The following KATNA1 variants were observed in gnomAD, a reference collection of about 807,000 sequenced individuals.
The protein encoded by KATNA1 is katanin p60 ATPase-containing subunit A1.
In KATNA1, 42 loss-of-function variants were observed where a neutral mutation model predicts 62.6. That is an observed-to-expected ratio of 0.67 (90% confidence interval 0.52 to 0.87). The LOEUF (loss-of-function observed/expected upper bound fraction) is 0.87. Ranked by LOEUF, KATNA1 falls within the 40% of genes least tolerant of loss-of-function variation. The pLI, the probability that KATNA1 is intolerant of heterozygous loss-of-function variation, is 0.00. For synonymous variants in KATNA1, 186 were observed against 201.9 expected (o/e 0.92, Z 0.67); for missense variants, 498 against 612.5 (o/e 0.81, Z 1.97).
intron 4 of KATNA1, among the ~76,000 whole-genome samples, chr6:149,611,814 A>G (rs555820918): frequency 3.3e-5 from 5 of 152,122 alleles, no homozygotes; most frequent in African/African-American, 1.2e-4. Context: ...CCTGGCTAAC[A>G]TGGTGAAACC....
chr6:149,622,138 T>G (rs1224531581), intron 4 of KATNA1, among the ~76,000 whole-genome samples: 1 of 151,806 alleles, frequency 6.6e-6, no homozygotes, highest in Non-Finnish European at 1.5e-5. Flanking sequence ...TTTTGTTTTT[T>G]TTTTTTTTCC....
At chr6:149,626,468 G>C (rs1281823835) in intron 3 of KATNA1, among the ~76,000 whole-genome samples, 1 of 147,092 alleles carries the variant, frequency 6.8e-6, no homozygotes, top group Non-Finnish European at 1.5e-5. Flanking sequence ...CTAATTTTTT[G>C]TATTTTTAGT....
intron 7 of KATNA1, among the ~76,000 whole-genome samples, chr6:149,600,713 A>T (rs774788188): frequency 1.3e-5 from 2 of 150,424 alleles, no homozygotes; most frequent in African/African-American, 2.4e-5. Context: ...AAGCAAGAGG[A>T]TCACTTGAAC....
chr6:149,643,856 T>G (rs1359563895), intron 1 of KATNA1, among the ~76,000 whole-genome samples: 2 of 151,840 alleles, frequency 1.3e-5, no homozygotes, highest in African/African-American at 4.8e-5. Flanking sequence ...TATTTTTTTT[T>G]TGGTATGTTT....
rs536590815 is a variant in KATNA1, at chr6:149,622,011, G to T, written c.501+1092C>A. On this transcript the variant is annotated intron_variant, in intron 4 of 10. Transcript: ENST00000367411. ...TAATCTGACCTAGCGGGGACAGAAG[G>T]GGGGAAATCTCTATATGACATTATT... Among the ~76,000 whole-genome samples, 15 of 152,274 alleles carry T rather than the reference G, an allele frequency of 9.9e-5. No individual in the cohort carries two copies. The East Asian group carries it at 2.5e-3, about 25-fold the overall frequency.
chr6:149,638,221 G>T (rs981183489), intron 2 of KATNA1, among the ~76,000 whole-genome samples, 165 bp downstream of exon 2: 1 of 152,160 alleles, frequency 6.6e-6, no homozygotes, highest in Non-Finnish European at 1.5e-5. Context: ...TGATCCTTCT[G>T]CTTTGGCTTT....
At chr6:149,619,397 G>A (rs979127589) in intron 4 of KATNA1, among the ~76,000 whole-genome samples, 4 of 152,162 alleles carry the variant, frequency 2.6e-5, no homozygotes, top group African/African-American at 4.8e-5. Context: ...TGGACTGCCT[G>A]AGCTCAGGGG....
chr6:149,605,820 G>A (rs1778715388), intron 4 of KATNA1, among the ~76,000 whole-genome samples: 1 of 152,068 alleles, frequency 6.6e-6, no homozygotes, highest in Non-Finnish European at 1.5e-5. Context: ...CCAGGCTAGA[G>A]TGTAGTAGTG....
chr6:149,597,610 A>G lies in KATNA1; in HGVS notation c.1047T>C (p.Pro349=), dbSNP rs1311185139. Reference sequence around the variant, plus strand: ...CTGCCAGAACCATAACCATTTTGGAAGGGTCATCATTTTCAGAAGTACCTC... The same window carrying G: ...CTGCCAGAACCATAACCATTTTGGAGGGGTCATCATTTTCAGAAGTACCTC... ...GVGGTSENDD[P]SKMVMVLAAT... The change falls in exon 9 of 11, where the codon CCT becomes CCC. Residue 349 remains proline, a synonymous_variant. Transcript: ENST00000367411. 6.2e-7 allele frequency: 1 copy of G among 1,614,038 alleles called. No homozygotes were observed. The highest frequency in any genetic ancestry group is 1.7e-4 in the Middle Eastern group (1 of 6,058).
At chr6:149,618,415 T>C (rs1582779057) in intron 4 of KATNA1, among the ~76,000 whole-genome samples, 3 of 151,298 alleles carry the variant, frequency 2.0e-5, no homozygotes, top group East Asian at 1.9e-4. Context: ...GAGGTGGAGG[T>C]TGCAGTGAGC....
intron 4 of KATNA1, among the ~76,000 whole-genome samples, chr6:149,620,535 C>CT (rs1779354312): frequency 6.6e-6 from 1 of 152,178 alleles, no homozygotes; most frequent in Non-Finnish European, 1.5e-5. Context: ...CTCAAGTGAT[C>CT]TGCCCGCCTT....
At chr6:149,617,541 C>G (rs1203762281) in intron 4 of KATNA1, among the ~76,000 whole-genome samples, 1 of 152,232 alleles carries the variant, frequency 6.6e-6, no homozygotes, top group Non-Finnish European at 1.5e-5. Flanking sequence ...GTGGCTCACG[C>G]CTGTAATCCC....
Position 149,599,561 on chromosome 6 carries a change from C to CCTCCCCT in KATNA1, c.889-1218_889-1212dup, listed in dbSNP as rs766418898. Among the ~76,000 whole-genome samples, 443 of 147,164 alleles carry CCTCCCCT rather than the reference C, an allele frequency of 3.0e-3. 2 individuals carry two copies. The highest frequency in any genetic ancestry group is 4.5e-3 in the Non-Finnish European group (294 of 65,378). ...TTGCAAATCATCCCTTTCTTTCTTT[C>CCTCCCCT]CTCCCCTCTCCCCTCTCCCCTCTCC... On this transcript the variant is annotated intron_variant, in intron 7 of 10. Transcript: ENST00000367411.
intron 4 of KATNA1, among the ~76,000 whole-genome samples, chr6:149,618,892 G>C (rs1779286841): frequency 6.6e-6 from 1 of 152,176 alleles, no homozygotes; most frequent in African/African-American, 2.4e-5. Context: ...AGATGATGTA[G>C]GAGAAATGCT....
chr6:149,597,654 T>C lies in KATNA1; in HGVS notation c.1016-13A>G. The C allele has an allele frequency of 6.2e-7, 1 of 1,608,022 alleles. No individual in the cohort carries two copies. The highest frequency in any genetic ancestry group is 1.1e-5 in the South Asian group (1 of 89,762). Reference sequence around the variant, plus strand: ...GTACCTCCAACACCTAAAATAAGGGTAAGGGGAGAGTGAAAAAGATATTAA... The same window carrying C: ...GTACCTCCAACACCTAAAATAAGGGCAAGGGGAGAGTGAAAAAGATATTAA... On this transcript the variant is annotated splice_polypyrimidine_tract_variant and intron_variant, in intron 8 of 10. Coordinates refer to ENST00000367411, the MANE Select transcript of KATNA1 (RefSeq NM_007044.4).
intron 1 of KATNA1, among the ~76,000 whole-genome samples, chr6:149,645,525 T>C (rs1276642195): frequency 6.7e-6 from 1 of 149,308 alleles, no homozygotes; most frequent in African/African-American, 2.5e-5. Flanking sequence ...ATAAACACAA[T>C]CTATTGGTTC....
chr6:149,614,176 T>C (rs529844047), intron 4 of KATNA1, among the ~76,000 whole-genome samples: 2 of 152,288 alleles, frequency 1.3e-5, no homozygotes, highest in African/African-American at 4.8e-5. Flanking sequence ...CCTGGAGTAG[T>C]CTGCAGGCAG....
In KATNA1 at chr6:149,634,260, A is replaced by C. The variant is rs1485063802; in HGVS notation, c.163-1344T>G. On this transcript the variant is annotated intron_variant, in intron 2 of 10. Coordinates refer to ENST00000367411, the MANE Select transcript of KATNA1 (RefSeq NM_007044.4). ...TGCACTCCTGCCTGGGCAACAGAGC[A>C]AGACTCCATCTCAAAAAAATAAAAT... Among the ~76,000 whole-genome samples the C allele has an allele frequency of 4.0e-5, 5 of 125,978 alleles. No homozygotes were observed. In the South Asian group the frequency reaches 1.2e-3, roughly 29 times the overall value. The allele number at this position is 125,978 out of a possible 152,430, so 82.6% of individuals were successfully genotyped here.
At chr6:149,614,269 G>A (rs1370582744) in intron 4 of KATNA1, among the ~76,000 whole-genome samples, 1 of 152,234 alleles carries the variant, frequency 6.6e-6, no homozygotes, top group Admixed American at 6.5e-5. Flanking sequence ...TGCAGCTTCT[G>A]ACCTTGCAGT....
Sources: gnomAD v4.1 joint callset for allele counts (sites outside exome capture counted in the v4.1 genomes callset) on GRCh38, gnomAD v4.1.1 for gene constraint, MANE v1.5 for transcripts, NCBI Gene and HGNC (gene_info 2026-07-23, HGNC 2026-07-21) for gene names.